The following POLE4 variants were observed in gnomAD, a reference collection of about 807,000 sequenced individuals.
POLE4 encodes DNA polymerase epsilon subunit 4.
A neutral mutation model predicts 15.6 loss-of-function variants in POLE4; 15 were observed. That is an observed-to-expected ratio of 0.96 (90% CI 0.64 to 1.48). POLE4 has a LOEUF of 1.48. POLE4 is among the 40% of genes most tolerant of loss of function. The probability of loss-of-function intolerance (pLI) is 0.00; values close to 1 mark genes in which losing one functional copy is unlikely to be tolerated. For missense variants in POLE4, 205 were observed against 151.9 expected (o/e 1.35, Z -1.84); for synonymous variants, 83 against 63.2 (o/e 1.31, Z -1.49).
At chr2:74,959,755 G>A (rs1263929333) in intron 2 of POLE4, 2 of 428,866 alleles carry the variant, frequency 4.7e-6, no homozygotes, top group Non-Finnish European at 8.3e-6. Context: ...ACCCTCACCT[G>A]GGTAAGATTT....
intron 3 of POLE4, among the ~76,000 whole-genome samples, chr2:74,963,294 A>G (rs1671250657): frequency 6.6e-6 from 1 of 152,168 alleles, no homozygotes. Flanking sequence ...TGGTATTACC[A>G]GAGTTTTTTA....
chr2:74,958,912 G>A lies in POLE4; in HGVS notation c.213+20G>A. 1 of 1,548,350 alleles carries A rather than the reference G, an allele frequency of 6.5e-7. No individual in the cohort carries two copies. The highest frequency in any genetic ancestry group is 8.7e-7 in the Non-Finnish European group (1 of 1,144,652). On this transcript the variant is annotated intron_variant, in intron 1 of 3. Coordinates refer to ENST00000483063, the MANE Select transcript of POLE4 (RefSeq NM_019896.4). Reference sequence around the variant, plus strand: ...GCCGCGGTGCGCCTGCAGCGCGAGGGCATGCGGGAGTGGGGGAGGTGGAGT... The same window carrying A: ...GCCGCGGTGCGCCTGCAGCGCGAGGACATGCGGGAGTGGGGGAGGTGGAGT...
intron 3 of POLE4, among the ~76,000 whole-genome samples, chr2:74,962,844 A>G (rs1381613081): frequency 6.6e-6 from 1 of 152,178 alleles, no homozygotes; most frequent in Non-Finnish European, 1.5e-5. Flanking sequence ...ATAAGCATGC[A>G]TCCCTGAACA....
At chr2:74,959,640 G>C (rs1671186823) in intron 2 of POLE4, 1 of 516,442 alleles carries the variant, frequency 1.9e-6, no homozygotes, top group Middle Eastern at 5.0e-4. Flanking sequence ...GGTTGCCGTA[G>C]CGGACTGGAT....
chr2:74,958,661 C>CA lies in POLE4; in HGVS notation c.-18dup. On this transcript the variant is annotated 5_prime_UTR_variant, in exon 1 of 4. Coordinates refer to ENST00000483063, the MANE Select transcript of POLE4 (RefSeq NM_019896.4). ...CGCGCGCACAGTCGGCGGCCGCGCG[C>CA]AGCACGCTCAAGGCCGGGATGGCGG... 7.1e-7 allele frequency: 1 copy of CA among 1,411,662 alleles called. No individual in the cohort carries two copies. The highest frequency in any genetic ancestry group is 9.2e-7 in the Non-Finnish European group (1 of 1,090,036). The allele number at this position is 1,411,662 out of a possible 1,614,324, so 87.4% of individuals were successfully genotyped here.
chr2:74,966,858 A>C (rs1230142518), intron 3 of POLE4, among the ~76,000 whole-genome samples: 2 of 151,902 alleles, frequency 1.3e-5, no homozygotes, highest in African/African-American at 4.8e-5. Flanking sequence ...AATTTGTTGA[A>C]TATAAATTCT....
intron 3 of POLE4, chr2:74,960,974 A>G (rs1007968207): frequency 3.8e-5 from 7 of 185,890 alleles, no homozygotes; most frequent in African/African-American, 1.4e-4. Context: ...GTAACCTGAC[A>G]ACAATAGGTA....
intron 3 of POLE4, among the ~76,000 whole-genome samples, chr2:74,963,514 A>T (rs12617404): frequency 0.46 from 69,824 of 151,076 alleles, 16,487 homozygotes; most frequent in Middle Eastern, 0.65. Context: ...TTATTTATTT[A>T]TTTTTTTGAC....
chr2:74,958,892 G>A lies in POLE4; in HGVS notation c.213G>A (p.Ala71=), dbSNP rs533326809. Residue 71 remains alanine, a splice_region_variant and synonymous_variant, in exon 1 of 4, where the codon GCG becomes GCA. Transcript: ENST00000483063. ...QEAIFILARA[A]ELFVETIAKD... ...CCATCTTCATTCTGGCACGAGCCGC[G>A]GTGCGCCTGCAGCGCGAGGGCATGC... 9.0e-6 allele frequency: 14 copies of A among 1,554,168 alleles called. No individual in the cohort carries two copies. The highest frequency in any genetic ancestry group is 2.7e-5 in the African/African-American group (2 of 73,308).
intron 2 of POLE4, 34 bp downstream of exon 2, chr2:74,959,459 A>G: frequency 7.1e-7 from 1 of 1,401,872 alleles, no homozygotes; most frequent in African/African-American, 1.4e-5. Context: ...GGGACAGACA[A>G]GGGAGGGCTG....
In POLE4 at chr2:74,970,091, G is replaced by A. The variant is rs528637314; in HGVS notation, c.*669G>A. ...ACACCAGTCATCACAGTCGATTTTA[G>A]AACATTTTATTTATTTATTTATTAT... On this transcript the variant is annotated 3_prime_UTR_variant, in exon 4 of 4. Transcript: ENST00000483063. The A allele has an allele frequency of 6.6e-6, 1 of 151,588 alleles. No homozygotes were observed. Among genetic ancestry groups the A allele is most frequent in the Admixed American group, 6.6e-5 (1 of 15,246 alleles). The allele number at this position is 151,588 out of a possible 1,614,324, so 9.4% of individuals were successfully genotyped here. A position where few individuals can be genotyped will look rare whatever the true frequency, so the allele number is the denominator to read the frequency against.
At chr2:74,959,531 T>A in intron 2 of POLE4, 106 bp downstream of exon 2, 1 of 698,998 alleles carries the variant, frequency 1.4e-6, no homozygotes, top group East Asian at 2.7e-5. Context: ...TGCCACAGCG[T>A]CTCTCCCCAG....
intron 3 of POLE4, among the ~76,000 whole-genome samples, chr2:74,960,831 G>T (rs1255974317): frequency 6.6e-6 from 1 of 152,122 alleles, no homozygotes; most frequent in Non-Finnish European, 1.5e-5. Context: ...AATTCCTTTT[G>T]CCCAGTGAGG....
intron 3 of POLE4, 54 bp from the exon 4 acceptor site, chr2:74,969,355 A>T: frequency 4.5e-6 from 7 of 1,567,776 alleles, no homozygotes; most frequent in Non-Finnish European, 6.2e-6. Context: ...AGCTTGTTAC[A>T]CTAATCCAGC....
At chr2:74,962,922 A>T (rs1260453936) in intron 3 of POLE4, among the ~76,000 whole-genome samples, 1 of 152,210 alleles carries the variant, frequency 6.6e-6, no homozygotes, top group African/African-American at 2.4e-5. Flanking sequence ...TCGTTGGCCA[A>T]CATCTGTCAC....
chr2:74,958,739 G>T lies in POLE4; in HGVS notation c.60G>T (p.Gly20=), dbSNP rs1402094049. The change falls in exon 1 of 4, where the codon GGG becomes GGT. Residue 20 remains glycine (G), a synonymous_variant. Transcript: ENST00000483063. ...GTPREEEGPA[G]EAAASQPQAP... ...CCCGAGAGGAGGAGGGACCTGCTGG[G>T]GAGGCAGCGGCCTCGCAGCCCCAGG... 8 of 1,529,196 alleles carry T rather than the reference G, an allele frequency of 5.2e-6. No homozygotes were observed. Among genetic ancestry groups the T allele is most frequent in the Non-Finnish European group, 7.0e-6 (8 of 1,138,462 alleles). The allele number at this position is 1,529,196 out of a possible 1,614,324, so 94.7% of individuals were successfully genotyped here.
At chr2:74,966,283 G>A (rs1164680018) in intron 3 of POLE4, among the ~76,000 whole-genome samples, 1 of 151,986 alleles carries the variant, frequency 6.6e-6, no homozygotes, top group African/African-American at 2.4e-5. Context: ...TTTATGTGCT[G>A]TTATTGTCAT....
intron 3 of POLE4, among the ~76,000 whole-genome samples, chr2:74,963,661 C>G (rs1671257338): frequency 6.6e-6 from 1 of 151,884 alleles, no homozygotes; most frequent in African/African-American, 2.4e-5. Flanking sequence ...CTAATTTTGG[C>G]ATTTTTTTGG....
Position 74,963,584 on chromosome 2 carries a change from GC to G in POLE4, c.340+3445del, listed in dbSNP as rs978243236. Reference sequence around the variant, plus strand: ...AGTGGCATGATCTCTGCTCAATGCAGCCCCCCCTCCCACGTTCAAGAGATTC... The same window carrying G: ...AGTGGCATGATCTCTGCTCAATGCAGCCCCCCTCCCACGTTCAAGAGATTC... On this transcript the variant is annotated intron_variant, in intron 3 of 3. Coordinates refer to ENST00000483063, the MANE Select transcript of POLE4 (RefSeq NM_019896.4). 1.4e-3 allele frequency among the ~76,000 whole-genome samples: 210 copies of G among 151,886 alleles called. 1 individual carries two copies. The highest frequency in any genetic ancestry group is 7.2e-4 in the Non-Finnish European group (49 of 67,936).
Sources: gnomAD v4.1 joint callset for allele counts (sites outside exome capture counted in the v4.1 genomes callset) on GRCh38, gnomAD v4.1.1 for gene constraint, MANE v1.5 for transcripts, NCBI Gene and HGNC (gene_info 2026-07-23, HGNC 2026-07-21) for gene names.